GLIPR1L1: variants seen among roughly 807,000 people sequenced by gnomAD.
The protein encoded by GLIPR1L1 is GLIPR1 like 1.
GLIPR1L1 carries 26 observed loss-of-function variants against 29.9 expected under a neutral mutation model. That is an observed-to-expected ratio of 0.87 (90% CI 0.64 to 1.21). The LOEUF is 1.21. GLIPR1L1 is among the 50% of genes most tolerant of loss of function. GLIPR1L1 has a pLI of 0.00. For synonymous variants in GLIPR1L1, 77 were observed against 97.5 expected (o/e 0.79, Z 1.24); for missense variants, 305 against 290.3 (o/e 1.05, Z -0.37).
At chr12:75,357,898 G>C (rs1367595907) in intron 3 of GLIPR1L1, among the ~76,000 whole-genome samples, 1 of 149,694 alleles carries the variant, frequency 6.7e-6, no homozygotes, top group African/African-American at 2.4e-5. Context: ...AGAAAAAAAA[G>C]AACAGTCTCC....
chr12:75,360,574 G>A (rs1438943984), intron 3 of GLIPR1L1: 1 of 152,222 alleles, frequency 6.6e-6, no homozygotes, highest in Non-Finnish European at 1.5e-5. Flanking sequence ...TCATATCGGG[G>A]GCATGCTGAT....
intron 4 of GLIPR1L1, chr12:75,366,907 G>T (rs140600877): frequency 5.7e-6 from 4 of 701,752 alleles, no homozygotes; most frequent in African/African-American, 1.7e-5. Flanking sequence ...GCCACTGCAT[G>T]TCAAAAGGGG....
At chr12:75,357,932 T>A (rs2043258754) in intron 3 of GLIPR1L1, among the ~76,000 whole-genome samples, 1 of 147,808 alleles carries the variant, frequency 6.8e-6, no homozygotes. Flanking sequence ...GCCTTCCACC[T>A]AAGAAACTAG....
intron 4 of GLIPR1L1, among the ~76,000 whole-genome samples, chr12:75,366,199 T>A (rs1566010550): frequency 6.6e-6 from 1 of 152,148 alleles, no homozygotes; most frequent in Admixed American, 6.6e-5. Context: ...CCACAATCCA[T>A]AACAAAATAC....
chr12:75,348,284 C>T (rs189894913), intron 3 of GLIPR1L1, among the ~76,000 whole-genome samples: 1 of 152,058 alleles, frequency 6.6e-6, no homozygotes, highest in Non-Finnish European at 1.5e-5. Context: ...CAACAAACAT[C>T]AATTTAAAAA....
At chr12:75,369,695 C>G in intron 4 of GLIPR1L1, 2 of 984,990 alleles carry the variant, frequency 2.0e-6, no homozygotes, top group South Asian at 9.4e-5. Context: ...AAGTTAACTA[C>G]TTTATAGCTT....
chr12:75,335,092 T>C (rs973832925), intron 1 of GLIPR1L1, among the ~76,000 whole-genome samples, 190 bp downstream of exon 1: 4 of 152,208 alleles, frequency 2.6e-5, no homozygotes, highest in African/African-American at 9.7e-5. Context: ...AAAGGAAGAC[T>C]TGAAGCTGTT....
intron 4 of GLIPR1L1, among the ~76,000 whole-genome samples, chr12:75,364,280 C>T (rs763044234): frequency 9.0e-4 from 137 of 152,294 alleles, no homozygotes; most frequent in Non-Finnish European, 1.7e-3. Flanking sequence ...CTTTGGAATG[C>T]ACCTTGCCAA....
In GLIPR1L1 at chr12:75,343,748, T is replaced by C. The variant is rs773894156; in HGVS notation, c.230T>C (p.Phe77Ser). ...AAAGCATGGGCAAACCAGTGCAAATTTGAACATAATGACTGTTTGGATAAA... is the reference window on the plus strand; with the variant it reads ...AAAGCATGGGCAAACCAGTGCAAATCTGAACATAATGACTGTTTGGATAAA... ...MAKAWANQCKFEHNDCLDKSY... is the reference protein window; with the variant it reads ...MAKAWANQCKSEHNDCLDKSY... Residue 77 changes from phenylalanine (F) to serine (S), a missense_variant, in exon 2 of 6, where the codon TTT (phenylalanine) becomes TCT (serine). Physicochemically the swap from Phe to Ser is radical, Grantham distance 155 (BLOSUM62 -2). Transcript: ENST00000378695. 8.7e-6 allele frequency: 14 copies of C among 1,612,744 alleles called. No individual in the cohort carries two copies. In the East Asian group the frequency reaches 2.0e-4, roughly 23 times the overall value.
intron 2 of GLIPR1L1, among the ~76,000 whole-genome samples, 196 bp downstream of exon 2, chr12:75,344,134 T>C (rs1475983190): frequency 6.6e-6 from 1 of 152,108 alleles, no homozygotes. Flanking sequence ...TCACTGGCCT[T>C]TTTGAAGTTG....
intron 4 of GLIPR1L1, among the ~76,000 whole-genome samples, chr12:75,368,386 C>T (rs2044131841): frequency 6.6e-6 from 1 of 150,772 alleles, no homozygotes; most frequent in Admixed American, 6.6e-5. Flanking sequence ...ATCTCTTGAA[C>T]TAATGCTACT....
chr12:75,370,239 A>G lies in GLIPR1L1; in HGVS notation c.*63A>G. The G allele has an allele frequency of 1.2e-6, 1 of 826,674 alleles. No individual in the cohort carries two copies. The highest frequency in any genetic ancestry group is 2.0e-6 in the Non-Finnish European group (1 of 494,668). 51.2% of individuals were successfully genotyped at this position (826,674 alleles called of 1,614,324 possible). A position where few individuals can be genotyped will look rare whatever the true frequency, so the allele number is the denominator to read the frequency against. On this transcript the variant is annotated 3_prime_UTR_variant, in exon 6 of 6. Transcript: ENST00000378695. ...ATAAAGGAATAGTTTATTGCTTAAT[A>G]TAACTTATCATCACTTTGCTTCTTT...
rs528267330 is a variant in GLIPR1L1 at position 75,364,690 on chromosome 12, T to C, written c.610+1500T>C. Reference sequence around the variant, plus strand: ...AATCTTGGTTTTAGTTACAGACTTATAGCAATTAGCTACACAGAACATAAG... The same window carrying C: ...AATCTTGGTTTTAGTTACAGACTTACAGCAATTAGCTACACAGAACATAAG... On this transcript the variant is annotated intron_variant, in intron 4 of 5. Coordinates refer to ENST00000378695, the MANE Select transcript of GLIPR1L1 (RefSeq NM_001304964.2). 5 of 152,354 alleles carry C rather than the reference T, an allele frequency of 3.3e-5. No homozygotes were observed. The South Asian group carries it at 6.2e-4, about 19-fold the overall frequency. The allele number at this position is 152,354 out of a possible 1,614,324, so 9.4% of individuals were successfully genotyped here. A position where few individuals can be genotyped will look rare whatever the true frequency, so the allele number is the denominator to read the frequency against.
chr12:75,349,947 T>C (rs978756606), intron 3 of GLIPR1L1, among the ~76,000 whole-genome samples: 2 of 152,272 alleles, frequency 1.3e-5, no homozygotes, highest in African/African-American at 4.8e-5. Context: ...TTGGACTCCC[T>C]GCTGGCCAGC....
intron 3 of GLIPR1L1, among the ~76,000 whole-genome samples, chr12:75,348,875 A>G (rs2042622190): frequency 6.6e-6 from 1 of 152,204 alleles, no homozygotes; most frequent in Admixed American, 6.5e-5. Context: ...TGATCTCTGA[A>G]AAATAACAAC....
chr12:75,337,120 T>C (rs1036144793), intron 1 of GLIPR1L1, among the ~76,000 whole-genome samples: 3 of 151,838 alleles, frequency 2.0e-5, no homozygotes, highest in Admixed American at 2.0e-4. Flanking sequence ...TTTGGAAGCA[T>C]ACGTATAGAT....
intron 3 of GLIPR1L1, among the ~76,000 whole-genome samples, chr12:75,353,920 G>A (rs1029346807): frequency 1.3e-5 from 2 of 151,960 alleles, no homozygotes; most frequent in African/African-American, 4.8e-5. Context: ...ATGCCAAAAG[G>A]CCTTCAATAA....
intron 1 of GLIPR1L1, among the ~76,000 whole-genome samples, chr12:75,338,491 A>G (rs773254301): frequency 2.3e-4 from 35 of 152,154 alleles, no homozygotes; most frequent in Non-Finnish European, 4.9e-4. Flanking sequence ...AAAACTCTGC[A>G]TCAATTCCTT....
intron 1 of GLIPR1L1, among the ~76,000 whole-genome samples, chr12:75,335,118 G>T (rs1328608698): frequency 1.3e-5 from 2 of 152,168 alleles, no homozygotes; most frequent in African/African-American, 4.8e-5. Context: ...CCTCTTGCGG[G>T]GAAGGTGGGG....
Sources: gnomAD v4.1 joint callset for allele counts (sites outside exome capture counted in the v4.1 genomes callset) on GRCh38, gnomAD v4.1.1 for gene constraint, MANE v1.5 for transcripts, NCBI Gene and HGNC (gene_info 2026-07-23, HGNC 2026-07-21) for gene names.